The following IRAG2 variants were observed in gnomAD, a reference collection of about 807,000 sequenced individuals.
IRAG2 encodes inositol 1,4,5-triphosphate receptor associated 2.
Under a neutral mutation model 69.9 loss-of-function variants are expected in IRAG2, and 45 were observed. The ratio of observed to expected loss-of-function variants is 0.64; its 90% CI spans 0.51 to 0.83. IRAG2 has a LOEUF of 0.83. IRAG2 is among the 40% of genes least tolerant of loss of function. The pLI, the probability that IRAG2 is intolerant of heterozygous loss-of-function variation, is 0.00. For synonymous variants in IRAG2, 193 were observed against 202.4 expected (o/e 0.95, Z 0.40); for missense variants, 520 against 587.0 (o/e 0.89, Z 1.18).
chr12:25,028,703 CTAAT>C (rs1375952491), intron 9 of IRAG2, among the ~76,000 whole-genome samples: 3 of 152,122 alleles, frequency 2.0e-5, no homozygotes, highest in Non-Finnish European at 4.4e-5. Context: ...ATTGTCATCT[CTAAT>C]GGCTTATTTG....
chr12:25,100,150 C>T (rs571319033), intron 15 of IRAG2, among the ~76,000 whole-genome samples: 188 of 151,712 alleles, frequency 1.2e-3, no homozygotes, highest in Non-Finnish European at 2.1e-3. Context: ...CAATGAGATA[C>T]CACTTCACAC....
At position 25,063,747 on chromosome 12, in the gene IRAG2, G is replaced by A; in HGVS notation, c.-276G>A. On this transcript the variant is annotated 5_prime_UTR_variant, in exon 4 of 22. Coordinates refer to ENST00000556887, the MANE Select transcript of IRAG2 (RefSeq NM_001366544.2). ...GCAGTGTTGCCACAAACTATATGGT[G>A]GTCAAGAAGCAAGAATACATCAGAC... The A allele has an allele frequency of 2.5e-6, 1 of 398,984 alleles. No homozygotes were observed. The highest frequency in any genetic ancestry group is 4.4e-6 in the Non-Finnish European group (1 of 226,048). The allele number at this position is 398,984 out of a possible 1,614,324, so 24.7% of individuals were successfully genotyped here.
intron 1 of IRAG2, among the ~76,000 whole-genome samples, chr12:25,054,541 T>C (rs2139905932): frequency 6.6e-6 from 1 of 152,328 alleles, no homozygotes; most frequent in South Asian, 2.1e-4. Context: ...TTGCTATTGT[T>C]GTCTTCCCAG....
intron 9 of IRAG2, among the ~76,000 whole-genome samples, chr12:25,081,765 G>A (rs1947227843): frequency 6.6e-6 from 1 of 152,108 alleles, no homozygotes; most frequent in South Asian, 2.1e-4. Context: ...ATACTAATAT[G>A]CAGGCATAAA....
intron 14 of IRAG2, among the ~76,000 whole-genome samples, chr12:25,090,655 G>C (rs925612695): frequency 6.6e-6 from 1 of 152,170 alleles, no homozygotes; most frequent in Non-Finnish European, 1.5e-5. Flanking sequence ...CAGGTGCCAA[G>C]CTCTGCCTGA....
intron 11 of IRAG2, among the ~76,000 whole-genome samples, chr12:25,089,004 A>C (rs979439847): frequency 6.6e-6 from 1 of 152,242 alleles, no homozygotes; most frequent in Non-Finnish European, 1.5e-5. Flanking sequence ...TCAAGCTCAC[A>C]TAACTGTAAG....
intron 12 of IRAG2, among the ~76,000 whole-genome samples, chr12:25,032,767 C>A (rs937776732): frequency 6.6e-6 from 1 of 152,156 alleles, no homozygotes; most frequent in Non-Finnish European, 1.5e-5. Context: ...TATAAGGACA[C>A]TAATCCCATT....
At chr12:25,051,316 G>A (rs903439548), upstream of IRAG2, among the ~76,000 whole-genome samples, 3 of 152,186 alleles carry the variant, frequency 2.0e-5, no homozygotes, top group Admixed American at 1.3e-4. Context: ...GTGGTCCTTC[G>A]TGTAACCAGG....
intron 1 of IRAG2, among the ~76,000 whole-genome samples, chr12:25,055,185 C>T (rs545013239): frequency 1.3e-5 from 2 of 152,318 alleles, no homozygotes; most frequent in South Asian, 4.1e-4. Context: ...GTTCACACTA[C>T]AACTGGAAAT....
chr12:25,106,844 G>C (rs938967718), intron 20 of IRAG2, 99 bp from the exon 21 acceptor site: 1 of 431,500 alleles, frequency 2.3e-6, no homozygotes, highest in African/African-American at 2.1e-5. Flanking sequence ...ACAAATATTT[G>C]TGAGCCTCTT....
At chr12:25,022,609 A>G (rs947939940) in intron 7 of IRAG2, among the ~76,000 whole-genome samples, 1 of 152,276 alleles carries the variant, frequency 6.6e-6, no homozygotes, top group Non-Finnish European at 1.5e-5. Context: ...TCTCATAGGT[A>G]ATAACAGAAA....
intron 6 of IRAG2, among the ~76,000 whole-genome samples, chr12:25,017,495 A>G (rs941981510): frequency 6.6e-6 from 1 of 152,156 alleles, no homozygotes; most frequent in Non-Finnish European, 1.5e-5. Flanking sequence ...AGGCAAGTGA[A>G]TCACTTGAGA....
chr12:25,096,104 T>A (rs979615132), intron 14 of IRAG2, among the ~76,000 whole-genome samples: 1 of 149,058 alleles, frequency 6.7e-6, no homozygotes, highest in African/African-American at 2.5e-5. Context: ...CTGGAGAGGA[T>A]ACGTGATTGT....
At chr12:25,026,463 T>G (rs2139841903) in intron 8 of IRAG2, among the ~76,000 whole-genome samples, 1 of 152,018 alleles carries the variant, frequency 6.6e-6, no homozygotes. Context: ...CATGGGAAGG[T>G]TGAAGGATAA....
At chr12:25,077,286 G>GATATATATATGATATATATATGAA (rs1946812012) in intron 6 of IRAG2, among the ~76,000 whole-genome samples, 2 of 19,214 alleles carry the variant, frequency 1.0e-4, no homozygotes, top group African/African-American at 2.4e-4. Context: ...AAATATATAT[G>GATATATATATGATATATATATGAA]ATATATATAT....
intron 18 of IRAG2, 46 bp downstream of exon 18, chr12:25,103,945 C>T (rs201335071): frequency 2.5e-5 from 40 of 1,601,226 alleles, no homozygotes; most frequent in Non-Finnish European, 3.0e-5. Flanking sequence ...AATTCATTTT[C>T]ATATGACAGA....
chr12:25,036,717 G>T (rs1359901319), intron 15 of IRAG2: 6 of 398,266 alleles, frequency 1.5e-5, no homozygotes, highest in African/African-American at 1.2e-4. Context: ...GATTTTCCTG[G>T]TTTTTCTTCT....
chr12:25,026,493 AT>A (rs1944622778), intron 8 of IRAG2, among the ~76,000 whole-genome samples: 1 of 152,166 alleles, frequency 6.6e-6, no homozygotes, highest in Admixed American at 6.5e-5. Flanking sequence ...GGTCGGATCA[AT>A]GGATTGCGGG....
chr12:25,097,225 TAAAA>T (rs144166167), intron 15 of IRAG2, among the ~76,000 whole-genome samples, 181 bp downstream of exon 15: 17,413 of 117,366 alleles, frequency 0.15, 1,346 homozygotes, highest in Admixed American at 0.18. Context: ...TAAAAAATGT[TAAAA>T]AAATATAATA....
Sources: allele counts gnomAD v4.1 joint callset (sites outside exome capture counted in the v4.1 genomes callset), GRCh38; gene constraint gnomAD v4.1.1; transcripts MANE v1.5; gene names NCBI Gene and HGNC (gene_info 2026-07-23, HGNC 2026-07-21).